CEP57L1: variants seen among roughly 807,000 people sequenced by gnomAD.
CEP57L1 encodes centrosomal protein 57 like 1, also known as centrosomal protein CEP57L1.
Under a neutral mutation model 61.0 loss-of-function variants are expected in CEP57L1, and 37 were observed. The observed-to-expected ratio is 0.61, with a 90% CI of 0.47 to 0.80. The LOEUF (loss-of-function observed/expected upper bound fraction) is 0.80, where lower values mean the gene tolerates loss of function less well. Ranked by LOEUF, CEP57L1 falls within the 30% of genes least tolerant of loss-of-function variation. CEP57L1 has a pLI of 0.00. For synonymous variants in CEP57L1, 137 were observed against 162.3 expected, an observed-to-expected ratio of 0.84 and a Z score of 1.19; for missense variants, 422 against 524.7, an observed-to-expected ratio of 0.80 and a Z score of 1.91.
intron 1 of CEP57L1, among the ~76,000 whole-genome samples, chr6:109,118,084 G>A (rs1772511093): frequency 6.6e-6 from 1 of 152,248 alleles, no homozygotes; most frequent in Non-Finnish European, 1.5e-5. Context: ...CGCCCAGGCT[G>A]GAGTGCAGTG....
chr6:109,114,269 A>G (rs1772021845), intron 1 of CEP57L1, among the ~76,000 whole-genome samples: 1 of 152,184 alleles, frequency 6.6e-6, no homozygotes, highest in African/African-American at 2.4e-5. Flanking sequence ...ATGAGCTGAT[A>G]TCTCATTGTG....
At chr6:109,160,790 T>C in intron 10 of CEP57L1, 74 bp downstream of exon 10, 1 of 1,450,560 alleles carries the variant, frequency 6.9e-7, no homozygotes, top group African/African-American at 1.5e-5. Context: ...TCTGTATGAC[T>C]TTCCAAATTT....
chr6:109,151,262 A>G (rs1772585083), intron 4 of CEP57L1, among the ~76,000 whole-genome samples: 1 of 152,214 alleles, frequency 6.6e-6, no homozygotes, highest in Admixed American at 6.5e-5. Context: ...TCTAAAATTT[A>G]TATGGAAAAG....
intron 1 of CEP57L1, among the ~76,000 whole-genome samples, chr6:109,098,458 C>T (rs1163049215): frequency 6.6e-6 from 1 of 151,548 alleles, no homozygotes; most frequent in Non-Finnish European, 1.5e-5. Context: ...TTTCTTTTTT[C>T]CTGAGACAGA....
rs984077574 is a variant in CEP57L1, at chr6:109,172,552, A to G, written c.*9582A>G. Reference sequence around the variant, plus strand: ...CTTTGGAATGTGAAAAGTTTACACAATCAAGACTTGCTATGTTGATCCTTT... The same window carrying G: ...CTTTGGAATGTGAAAAGTTTACACAGTCAAGACTTGCTATGTTGATCCTTT... On this transcript the variant is annotated 3_prime_UTR_variant, in exon 11 of 11. Coordinates refer to ENST00000517392, the MANE Select transcript of CEP57L1 (RefSeq NM_001271852.3). Among the ~76,000 whole-genome samples the G allele has an allele frequency of 3.9e-5, 6 of 152,224 alleles. No homozygotes were observed. The highest frequency in any genetic ancestry group is 1.4e-4 in the African/African-American group (6 of 41,446).
chr6:109,108,544 G>A (rs1387766443), intron 1 of CEP57L1, among the ~76,000 whole-genome samples: 2 of 151,942 alleles, frequency 1.3e-5, no homozygotes, highest in East Asian at 3.9e-4. Flanking sequence ...TGACTTAATT[G>A]CATTTTCCTA....
intron 3 of CEP57L1, among the ~76,000 whole-genome samples, chr6:109,149,730 A>G (rs1201991910): frequency 1.3e-4 from 20 of 152,184 alleles, no homozygotes; most frequent in African/African-American, 4.8e-4. Context: ...TTTTCACGAT[A>G]TTGATTCTTC....
chr6:109,118,075 G>A (rs1227561061), intron 1 of CEP57L1, among the ~76,000 whole-genome samples: 5 of 152,140 alleles, frequency 3.3e-5, no homozygotes, highest in African/African-American at 9.7e-5. Context: ...TCACTCTGTC[G>A]CCCAGGCTGG....
rs944332942 is a variant in CEP57L1 at position 109,172,948 on chromosome 6, C to T, written c.*9978C>T. Among the ~76,000 whole-genome samples the T allele has an allele frequency of 1.3e-5, 2 of 152,152 alleles. No individual in the cohort carries two copies. Among genetic ancestry groups the T allele is most frequent in the African/African-American group, 4.8e-5 (2 of 41,442 alleles). On this transcript the variant is annotated 3_prime_UTR_variant, in exon 11 of 11. Coordinates refer to ENST00000517392, the MANE Select transcript of CEP57L1 (RefSeq NM_001271852.3). ...TATACTGAAGTCAGGAACCAAGAAC[C>T]GGTCAATTTACCTCAGCCAAGTTGC... is the stretch of plus-strand genomic sequence containing the variant.
intron 1 of CEP57L1, among the ~76,000 whole-genome samples, chr6:109,125,601 G>A (rs1293393427): frequency 1.3e-5 from 2 of 150,854 alleles, no homozygotes; most frequent in Admixed American, 6.6e-5. Flanking sequence ...AGAAAAGGGT[G>A]TGGTGGCACA....
At chr6:109,149,147 G>T (rs890112110) in intron 3 of CEP57L1, among the ~76,000 whole-genome samples, 24 of 152,216 alleles carry the variant, frequency 1.6e-4, no homozygotes, top group African/African-American at 4.6e-4. Context: ...GTCAATTTTG[G>T]CTTTTGTTGC....
chr6:109,119,288 A>G (rs1308207611), intron 1 of CEP57L1, among the ~76,000 whole-genome samples: 1 of 152,198 alleles, frequency 6.6e-6, no homozygotes, highest in Non-Finnish European at 1.5e-5. Context: ...GGGCACAGTA[A>G]AAAATAGTTT....
In CEP57L1 at chr6:109,163,561, C is replaced by G. The variant is rs1297232588; in HGVS notation, c.*591C>G. On this transcript the variant is annotated 3_prime_UTR_variant, in exon 11 of 11. Transcript: ENST00000517392. Reference sequence around the variant, plus strand: ...GGAGACAGTAATTCAGTTGCAGAAGCTTTCCTCTGCTATTCCCATTCTCTT... The same window carrying G: ...GGAGACAGTAATTCAGTTGCAGAAGGTTTCCTCTGCTATTCCCATTCTCTT... 6.6e-6 allele frequency: 1 copy of G among 152,154 alleles called. No individual in the cohort carries two copies. The highest frequency in any genetic ancestry group is 2.4e-5 in the African/African-American group (1 of 41,448). 9.4% of individuals were successfully genotyped at this position (152,154 alleles called of 1,614,324 possible).
chr6:109,160,926 T>C (rs1431842718), intron 10 of CEP57L1, among the ~76,000 whole-genome samples: 1 of 152,190 alleles, frequency 6.6e-6, no homozygotes, highest in African/African-American at 2.4e-5. Flanking sequence ...TAAAATTTTT[T>C]AAGTGAGCAA....
In CEP57L1 at chr6:109,165,904, T is replaced by C. The variant is rs1165785754; in HGVS notation, c.*2934T>C. On this transcript the variant is annotated 3_prime_UTR_variant, in exon 11 of 11. Coordinates refer to ENST00000517392, the MANE Select transcript of CEP57L1 (RefSeq NM_001271852.3). ...AAACTTGGTATGATTTCACGGATTT[T>C]GTTCACTTAAGTAAAAAACAGATTT... The C allele has an allele frequency of 3.3e-5, 5 of 152,240 alleles. No individual in the cohort carries two copies. The highest frequency in any genetic ancestry group is 3.3e-4 in the Admixed American group (5 of 15,284). The allele number at this position is 152,240 out of a possible 1,614,324, so 9.4% of individuals were successfully genotyped here.
chr6:109,162,976 C>CTT lies in CEP57L1; in HGVS notation c.*6_*7insTT. The CTT allele has an allele frequency of 6.3e-7, 1 of 1,577,798 alleles. No individual in the cohort carries two copies. Among genetic ancestry groups the CTT allele is most frequent in the Admixed American group, 1.7e-5 (1 of 59,748 alleles). ...ATATCATGTGGGAACAGTAACAAAA[C>CTT]AGCAAAACTGTCACCTTAATGAACT... On this transcript the variant is annotated 3_prime_UTR_variant, in exon 11 of 11. Coordinates refer to ENST00000517392, the MANE Select transcript of CEP57L1 (RefSeq NM_001271852.3).
In CEP57L1 at chr6:109,141,744, C is replaced by G. The variant is rs114755453; in HGVS notation, c.-3-3475C>G. Among the ~76,000 whole-genome samples, 1,191 of 151,872 alleles carry G rather than the reference C, an allele frequency of 7.8e-3. 19 individuals carry two copies. The highest frequency in any genetic ancestry group is 0.028 in the African/African-American group (1,144 of 41,448). ...AAGATATAATAAGTTATAGTACTTC[C>G]TAAAGTACTATACATTAAAAAATAA... is the stretch of plus-strand genomic sequence containing the variant. On this transcript the variant is annotated intron_variant, in intron 1 of 10. Coordinates refer to ENST00000517392, the MANE Select transcript of CEP57L1 (RefSeq NM_001271852.3).
chr6:109,095,382 T>C, upstream of CEP57L1: 1 of 985,906 alleles, frequency 1.0e-6, no homozygotes, highest in South Asian at 4.7e-5. Context: ...GACGGCCTCT[T>C]CATTACTCCA....
Position 109,167,173 on chromosome 6 carries a change from T to C in CEP57L1, c.*4203T>C, listed in dbSNP as rs1774162852. 6.7e-6 allele frequency among the ~76,000 whole-genome samples: 1 copy of C among 149,698 alleles called. No homozygotes were observed. The highest frequency in any genetic ancestry group is 1.5e-5 in the Non-Finnish European group (1 of 67,704). ...TTTTCTTCATATTCCATCTACTTGT[T>C]TTCATGTAACTTTGTCTTTCAATTC... On this transcript the variant is annotated 3_prime_UTR_variant, in exon 11 of 11. Transcript: ENST00000517392.
Sources: allele counts gnomAD v4.1 joint callset (sites outside exome capture counted in the v4.1 genomes callset), GRCh38; gene constraint gnomAD v4.1.1; transcripts MANE v1.5; gene names NCBI Gene and HGNC (gene_info 2026-07-23, HGNC 2026-07-21).